The following RPRD1A variants were observed in gnomAD, a reference collection of about 807,000 sequenced individuals.
RPRD1A encodes regulation of nuclear pre-mRNA domain containing 1A, also known as regulation of nuclear pre-mRNA domain-containing protein 1A.
RPRD1A carries 9 observed loss-of-function variants against 37.8 expected under a neutral mutation model. That is an observed-to-expected ratio of 0.24 (90% CI 0.14 to 0.42). RPRD1A has a LOEUF of 0.42. Ranked by LOEUF, RPRD1A falls within the 10% of genes least tolerant of loss-of-function variation. The probability of loss-of-function intolerance (pLI) is 1.00; values close to 1 mark genes in which losing one functional copy is unlikely to be tolerated. For synonymous variants in RPRD1A, 138 were observed against 139.7 expected, an observed-to-expected ratio of 0.99 and a Z score of 0.08; for missense variants, 255 against 371.0, an observed-to-expected ratio of 0.69 and a Z score of 2.57.
chr18:36,041,912 G>GTA (rs1912610424), intron 1 of RPRD1A, among the ~76,000 whole-genome samples: 2 of 152,220 alleles, frequency 1.3e-5, no homozygotes, highest in African/African-American at 4.8e-5. Flanking sequence ...ATGTACTCCT[G>GTA]TACTACTGCC....
chr18:36,059,602 A>G (rs879878550), intron 1 of RPRD1A, among the ~76,000 whole-genome samples: 3 of 152,204 alleles, frequency 2.0e-5, no homozygotes, highest in Non-Finnish European at 4.4e-5. Context: ...TCAATTTTTA[A>G]GAGTAAAGAG....
At chr18:36,015,131 T>TACACAC (rs201284977) in intron 6 of RPRD1A, among the ~76,000 whole-genome samples, 2,091 of 122,938 alleles carry the variant, frequency 0.017, 61 homozygotes, top group African/African-American at 0.056. Flanking sequence ...GGGTCTCACA[T>TACACAC]ACACACACAC....
intron 6 of RPRD1A, among the ~76,000 whole-genome samples, chr18:36,000,420 G>GT (rs1385975071): frequency 6.6e-6 from 1 of 152,010 alleles, no homozygotes; most frequent in African/African-American, 2.4e-5. Flanking sequence ...ACTTCCTTTA[G>GT]TTCCTTCTCT....
Position 36,052,532 on chromosome 18 carries a change from A to G in RPRD1A, c.151+14722T>C, listed in dbSNP as rs767968076. The stretch of plus-strand genomic sequence containing the variant: ...AAAGATGTACTTTGTGATAACATAA[A>G]AGGAGGACAGGGCTATAGAAGAACA... On this transcript the variant is annotated intron_variant, in intron 1 of 6. Transcript: ENST00000399022. Among the ~76,000 whole-genome samples, 116 of 152,318 alleles carry G rather than the reference A, an allele frequency of 7.6e-4. 1 individual carries two copies. The highest frequency in any genetic ancestry group is 9.4e-4 in the Non-Finnish European group (64 of 68,018).
At chr18:36,005,287 C>T (rs1054681674) in intron 6 of RPRD1A, among the ~76,000 whole-genome samples, 1 of 151,506 alleles carries the variant, frequency 6.6e-6, no homozygotes, top group African/African-American at 2.4e-5. Flanking sequence ...GGCAACAGAG[C>T]GAGACTCTGT....
At chr18:36,065,299 C>T (rs575417687) in intron 1 of RPRD1A, among the ~76,000 whole-genome samples, 16 of 152,270 alleles carry the variant, frequency 1.1e-4, no homozygotes, top group African/African-American at 3.1e-4. Flanking sequence ...TAGCATTATT[C>T]GTCTGTACCT....
At chr18:36,051,574 C>T (rs8087539) in intron 1 of RPRD1A, among the ~76,000 whole-genome samples, 39,629 of 152,038 alleles carry the variant, frequency 0.26, 5,439 homozygotes, top group African/African-American at 0.35. Flanking sequence ...TACACACTTT[C>T]CAACATTCAT....
chr18:36,059,946 T>G (rs1014798145), intron 1 of RPRD1A, among the ~76,000 whole-genome samples: 1 of 152,214 alleles, frequency 6.6e-6, no homozygotes, highest in African/African-American at 2.4e-5. Context: ...CATGTCAGTT[T>G]GACAACATTA....
chr18:36,045,803 G>T (rs931089686), intron 1 of RPRD1A, among the ~76,000 whole-genome samples: 1 of 152,126 alleles, frequency 6.6e-6, no homozygotes, highest in Non-Finnish European at 1.5e-5. Flanking sequence ...ACATCATGAG[G>T]GCTGAATTAG....
In RPRD1A at chr18:36,055,880, T is replaced by C. The variant is rs1027602357; in HGVS notation, c.151+11374A>G. Among the ~76,000 whole-genome samples, 33 of 151,862 alleles carry C rather than the reference T, an allele frequency of 2.2e-4. 1 individual carries two copies. The highest frequency in any genetic ancestry group is 1.2e-4 in the Non-Finnish European group (8 of 67,956). On this transcript the variant is annotated intron_variant, in intron 1 of 6. Coordinates refer to ENST00000399022, the MANE Select transcript of RPRD1A (RefSeq NM_018170.5). ...CAATGCAACAGAATGAGAATGAAAA[T>C]ACACCCAGATACACAGAAAAACTTA...
At chr18:36,045,911 T>C (rs1912921386) in intron 1 of RPRD1A, among the ~76,000 whole-genome samples, 1 of 152,176 alleles carries the variant, frequency 6.6e-6, no homozygotes, top group Non-Finnish European at 1.5e-5. Context: ...GAGACCTGTT[T>C]ATCAAAAGTC....
chr18:36,048,708 T>C (rs762746130), intron 1 of RPRD1A, among the ~76,000 whole-genome samples: 5 of 151,946 alleles, frequency 3.3e-5, no homozygotes, highest in South Asian at 4.2e-4. Flanking sequence ...GATCGAATGT[T>C]GATCAGGAAC....
At chr18:36,007,732 G>A (rs1407223930) in intron 6 of RPRD1A, among the ~76,000 whole-genome samples, 1 of 152,096 alleles carries the variant, frequency 6.6e-6, no homozygotes, top group African/African-American at 2.4e-5. Context: ...GAGGTCAAGA[G>A]ATCAAGACCA....
chr18:36,005,856 C>CT (rs1413098189), intron 6 of RPRD1A, among the ~76,000 whole-genome samples: 9 of 151,814 alleles, frequency 5.9e-5, no homozygotes, highest in East Asian at 1.9e-4. Context: ...GTGTTTTTTT[C>CT]TTTTTTTTAC....
chr18:36,025,750 C>A, intron 6 of RPRD1A: 1 of 703,962 alleles, frequency 1.4e-6, no homozygotes, highest in South Asian at 1.6e-5. Flanking sequence ...TATGACATTA[C>A]TTACCCTTAA....
intron 1 of RPRD1A, among the ~76,000 whole-genome samples, chr18:36,043,701 G>GA (rs1912760385): frequency 6.6e-6 from 1 of 151,640 alleles, no homozygotes; most frequent in Non-Finnish European, 1.5e-5. Context: ...CAAATAAATT[G>GA]AAAGAAATAA....
At chr18:36,062,971 C>T (rs2088946641) in intron 1 of RPRD1A, 1 of 152,112 alleles carries the variant, frequency 6.6e-6, no homozygotes, top group African/African-American at 2.4e-5. Context: ...ACAAAATGGT[C>T]ACTTACATTT....
intron 6 of RPRD1A, among the ~76,000 whole-genome samples, chr18:36,015,177 C>CATATAT (rs1296857322): frequency 0.02 from 1,650 of 83,562 alleles, 21 homozygotes; most frequent in African/African-American, 0.05. Flanking sequence ...CATATATACA[C>CATATAT]ACACACACAC....
chr18:36,055,427 A>ATTCCT (rs1913693606), intron 1 of RPRD1A, among the ~76,000 whole-genome samples: 1 of 152,234 alleles, frequency 6.6e-6, no homozygotes, highest in Admixed American at 6.5e-5. Context: ...CTGTACGAGA[A>ATTCCT]TCAAGTAAGA....
Sources: allele counts gnomAD v4.1 joint callset (sites outside exome capture counted in the v4.1 genomes callset), GRCh38; gene constraint gnomAD v4.1.1; transcripts MANE v1.5; gene names NCBI Gene and HGNC (gene_info 2026-07-23, HGNC 2026-07-21).